Variants in TMEM132C observed in about 807,000 individuals in gnomAD.
TMEM132C encodes protein phosphatase 1, regulatory subunit 152.
Under a neutral mutation model 61.4 loss-of-function variants are expected in TMEM132C, and 29 were observed. The ratio of observed to expected loss-of-function variants is 0.47; its 90% CI spans 0.35 to 0.64. The LOEUF is 0.64. TMEM132C is among the 30% of genes least tolerant of loss of function. TMEM132C has a pLI of 0.00. For missense variants in TMEM132C, 1,408 were observed against 1,476.9 expected, an observed-to-expected ratio of 0.95 and a Z score of 0.76; for synonymous variants, 656 against 633.1, an observed-to-expected ratio of 1.04 and a Z score of -0.54.
rs1276649412 is a variant in TMEM132C, at chr12:128,707,724, G to C, written c.*1429G>C. 4 of 152,166 alleles carry C rather than the reference G, an allele frequency of 2.6e-5. No individual in the cohort carries two copies. The highest frequency in any genetic ancestry group is 9.7e-5 in the African/African-American group (4 of 41,438). The allele number at this position is 152,166 out of a possible 1,614,324, so 9.4% of individuals were successfully genotyped here. A position where few individuals can be genotyped will look rare whatever the true frequency, so the allele number is the denominator to read the frequency against. On this transcript the variant is annotated 3_prime_UTR_variant, in exon 9 of 9. Coordinates refer to ENST00000435159, the MANE Select transcript of TMEM132C (RefSeq NM_001136103.3). The stretch of plus-strand genomic sequence containing the variant: ...AGGGGGGCGCTCACAAAGATGCCAG[G>C]GGTGTTTATTGTGTTTATTTTTTTA...
intron 1 of TMEM132C, among the ~76,000 whole-genome samples, chr12:128,307,719 C>T (rs1427891985): frequency 6.6e-6 from 1 of 152,154 alleles, no homozygotes; most frequent in African/African-American, 2.4e-5. Context: ...TAGATGTTCC[C>T]AGTGCATTTC....
At chr12:128,477,709 A>AGG (rs1871195191) in intron 2 of TMEM132C, among the ~76,000 whole-genome samples, 1 of 152,142 alleles carries the variant, frequency 6.6e-6, no homozygotes, top group Non-Finnish European at 1.5e-5. Flanking sequence ...CCTCCTGAGT[A>AGG]GCTGGGATTA....
At position 128,689,134 on chromosome 12, in the gene TMEM132C, TTTTTA is replaced by T. The variant is rs572090658; in HGVS notation, c.1450-4694_1450-4690del. Among the ~76,000 whole-genome samples, 128 of 152,246 alleles carry T rather than the reference TTTTTA, an allele frequency of 8.4e-4. 1 individual carries two copies. Among genetic ancestry groups the T allele is most frequent in the African/African-American group, 2.8e-3 (117 of 41,558 alleles). On this transcript the variant is annotated intron_variant, in intron 5 of 8. Coordinates refer to ENST00000435159, the MANE Select transcript of TMEM132C (RefSeq NM_001136103.3). ...TGCCCAGGCTTCTTTTCTGTTTTCT[TTTTTA>T]ATTTTTTATTTTATTGTAAATTGAC...
rs1249494714 is a variant in TMEM132C, at chr12:128,697,304, G to A, written c.2010G>A (p.Leu670=). The A allele has an allele frequency of 1.9e-6, 3 of 1,550,962 alleles. No individual in the cohort carries two copies. The Admixed American group carries it at 5.9e-5, about 30-fold the overall frequency. ...ATGACAAAGTATCGGTGACAGACTTGGCCATCCAGCTCGTGGCTGGGCTGT... is the reference window on the plus strand; with the variant it reads ...ATGACAAAGTATCGGTGACAGACTTAGCCATCCAGCTCGTGGCTGGGCTGT... ...VLDDKVSVTD[L]AIQLVAGLSV... Residue 670 remains leucine (L), a synonymous_variant, in exon 8 of 9, where the codon TTG becomes TTA. Coordinates refer to ENST00000435159, the MANE Select transcript of TMEM132C (RefSeq NM_001136103.3).
intron 1 of TMEM132C, among the ~76,000 whole-genome samples, chr12:128,403,031 C>T (rs1193242860): frequency 6.6e-6 from 1 of 152,146 alleles, no homozygotes; most frequent in Non-Finnish European, 1.5e-5. Context: ...TAAAGGAGAG[C>T]TTGACGGTTA....
At chr12:128,550,568 G>C (rs1398251839) in intron 3 of TMEM132C, among the ~76,000 whole-genome samples, 1 of 152,176 alleles carries the variant, frequency 6.6e-6, no homozygotes, top group Non-Finnish European at 1.5e-5. Context: ...GCCTCCCAAA[G>C]TGCTGAGATT....
intron 2 of TMEM132C, among the ~76,000 whole-genome samples, chr12:128,421,163 T>C (rs1159156089): frequency 6.6e-6 from 1 of 152,194 alleles, no homozygotes; most frequent in Non-Finnish European, 1.5e-5. Context: ...CCCTCTCCCC[T>C]TCCGAGTCTC....
intron 4 of TMEM132C, among the ~76,000 whole-genome samples, chr12:128,627,947 A>ATGTAGG (rs1233505353): frequency 3.3e-5 from 5 of 152,194 alleles, no homozygotes; most frequent in Admixed American, 3.3e-4. Flanking sequence ...GAAATCTAGG[A>ATGTAGG]TGTAGGTGTA....
rs553193947 is a variant in TMEM132C at position 128,415,270 on chromosome 12, G to A, written c.624G>A (p.Pro208=). ...LELLSSWFSA[P]TVGAGRKKSM... ...TCCTGTCCAGCTGGTTCAGTGCCCC[G>A]ACGGTGGGTGCCGGGAGGAAGAAGT... Residue 208 remains proline, a synonymous_variant, in exon 2 of 9, where the codon CCG becomes CCA. Coordinates refer to ENST00000435159, the MANE Select transcript of TMEM132C (RefSeq NM_001136103.3). The surrounding 1 kb of genome is among the most constrained non-coding windows in gnomAD (Gnocchi z 5.8). 3.2e-5 allele frequency: 52 copies of A among 1,600,178 alleles called. No homozygotes were observed. In the Admixed American group the frequency reaches 5.5e-4, roughly 17 times the overall value.
chr12:128,469,404 C>T (rs1450745642), intron 2 of TMEM132C, among the ~76,000 whole-genome samples: 2 of 151,090 alleles, frequency 1.3e-5, no homozygotes, highest in African/African-American at 4.9e-5. Context: ...CAGCCTCGAC[C>T]TCCTGGGTTC....
intron 1 of TMEM132C, among the ~76,000 whole-genome samples, chr12:128,307,271 G>T (rs1683797979): frequency 6.6e-6 from 1 of 151,968 alleles, no homozygotes; most frequent in African/African-American, 2.4e-5. Context: ...CCCAAAGTGG[G>T]GTGTTATCAT....
At chr12:128,372,649 C>T (rs548377283) in intron 1 of TMEM132C, among the ~76,000 whole-genome samples, 1 of 151,994 alleles carries the variant, frequency 6.6e-6, no homozygotes, top group African/African-American at 2.4e-5. Context: ...AAGATATATT[C>T]CTAGATTAAG....
At position 128,703,829 on chromosome 12, in the gene TMEM132C, C is replaced by T. The variant is rs562918748; in HGVS notation, c.2122-1261C>T. The stretch of plus-strand genomic sequence containing the variant: ...GAGAAAATGCGTTCTGTAATAACTG[C>T]GAACAACACCTGACCCACAGCGAGT... On this transcript the variant is annotated intron_variant, in intron 8 of 8. Coordinates refer to ENST00000435159, the MANE Select transcript of TMEM132C (RefSeq NM_001136103.3). Among the ~76,000 whole-genome samples the T allele has an allele frequency of 4.7e-4, 72 of 152,320 alleles. No individual in the cohort carries two copies. In the South Asian group the frequency reaches 8.7e-3, roughly 18 times the overall value.
intron 3 of TMEM132C, among the ~76,000 whole-genome samples, chr12:128,566,486 T>C (rs568109864): frequency 1.3e-5 from 2 of 152,354 alleles, no homozygotes; most frequent in South Asian, 2.1e-4. Flanking sequence ...ATGTGAAACA[T>C]TGTGTTTGGC....
intron 1 of TMEM132C, among the ~76,000 whole-genome samples, chr12:128,345,064 G>A (rs933268999): frequency 8.1e-5 from 12 of 148,646 alleles, no homozygotes; most frequent in African/African-American, 1.7e-4. Flanking sequence ...CCTCCTCCCC[G>A]CCCACCACCC....
intron 3 of TMEM132C, among the ~76,000 whole-genome samples, chr12:128,582,341 C>A (rs1040267555): frequency 1.7e-4 from 26 of 151,356 alleles, no homozygotes; most frequent in Admixed American, 1.7e-3. Flanking sequence ...CATAATCTCA[C>A]AGGTGAATGG....
chr12:128,534,537 G>A (rs1873448457), intron 2 of TMEM132C, among the ~76,000 whole-genome samples: 1 of 152,232 alleles, frequency 6.6e-6, no homozygotes, highest in Admixed American at 6.5e-5. Context: ...AAGCAGGGCT[G>A]GAAGCTCCTC....
chr12:128,347,850 C>T (rs1873221854), intron 1 of TMEM132C, among the ~76,000 whole-genome samples: 1 of 152,188 alleles, frequency 6.6e-6, no homozygotes, highest in African/African-American at 2.4e-5. Flanking sequence ...TGTTTTCCAT[C>T]GTGGTTGTAC....
intron 1 of TMEM132C, among the ~76,000 whole-genome samples, chr12:128,320,668 G>A (rs1211074564): frequency 6.6e-6 from 1 of 152,032 alleles, no homozygotes; most frequent in African/African-American, 2.4e-5. Context: ...AGCTACTTGG[G>A]AGGCTGAGGT....
Sources: allele counts gnomAD v4.1 joint callset (sites outside exome capture counted in the v4.1 genomes callset), GRCh38; gene constraint gnomAD v4.1.1; non-coding constraint Gnocchi (gnomAD v3.1); transcripts MANE v1.5; gene names NCBI Gene and HGNC (gene_info 2026-07-23, HGNC 2026-07-21).